Variants in FAM135B observed in about 807,000 individuals in gnomAD.
FAM135B encodes the protein protein FAM135B.
A neutral mutation model predicts 127.7 loss-of-function variants in FAM135B; 43 were observed. That is an observed-to-expected ratio of 0.34 (90% CI 0.26 to 0.43). FAM135B has a LOEUF of 0.43. Among genes scored for constraint, FAM135B ranks in the 20% least tolerant of loss-of-function variants. The pLI is 1.00. For missense variants in FAM135B, 1,558 were observed against 1,725.6 expected, an observed-to-expected ratio of 0.90 and a Z score of 1.72; for synonymous variants, 670 against 665.1, an observed-to-expected ratio of 1.01 and a Z score of -0.11.
chr8:138,365,353 A>T (rs1519374), intron 2 of FAM135B, among the ~76,000 whole-genome samples: 4,893 of 152,228 alleles, frequency 0.032, 159 homozygotes, highest in East Asian at 0.17. Flanking sequence ...CAAGCTTTTT[A>T]ACAACTCAAC....
intron 12 of FAM135B, among the ~76,000 whole-genome samples, chr8:138,165,348 G>GACCTCAGGTGATCCACCC (rs1420434138): frequency 1.1e-4 from 17 of 151,986 alleles, no homozygotes; most frequent in African/African-American, 3.9e-4. Flanking sequence ...TCGAACTCCC[G>GACCTCAGGTGATCCACCC]ACCTCAGGTG....
chr8:138,199,806 C>T (rs766076112), intron 7 of FAM135B, among the ~76,000 whole-genome samples: 6 of 152,158 alleles, frequency 3.9e-5, no homozygotes, highest in Non-Finnish European at 8.8e-5. Flanking sequence ...AACTCACTAT[C>T]ATGAGAACAG....
At chr8:138,338,279 A>T (rs945952157) in intron 2 of FAM135B, among the ~76,000 whole-genome samples, 8 of 150,930 alleles carry the variant, frequency 5.3e-5, no homozygotes, top group Non-Finnish European at 8.9e-5. Flanking sequence ...TAAACTAAAG[A>T]GCTTCTGCAC....
intron 7 of FAM135B, among the ~76,000 whole-genome samples, chr8:138,220,512 T>G (rs1268875118): frequency 6.6e-6 from 1 of 152,162 alleles, no homozygotes; most frequent in African/African-American, 2.4e-5. Flanking sequence ...TTTCTTCATC[T>G]TAAAAATGAG....
intron 9 of FAM135B, among the ~76,000 whole-genome samples, chr8:138,181,055 A>G (rs1814978971): frequency 1.3e-5 from 2 of 148,846 alleles, no homozygotes; most frequent in South Asian, 4.3e-4. Context: ...CCTGGCCGAC[A>G]TGGTAAAACC....
intron 9 of FAM135B, among the ~76,000 whole-genome samples, chr8:138,179,847 C>A (rs984352888): frequency 9.2e-5 from 14 of 152,200 alleles, no homozygotes; most frequent in African/African-American, 2.9e-4. Flanking sequence ...TGCCACTGCA[C>A]CCAGACAACT....
At position 138,311,099 on chromosome 8, in the gene FAM135B, C is replaced by T. The variant is rs185761191; in HGVS notation, c.78-179G>A. Among the ~76,000 whole-genome samples, 112 of 152,222 alleles carry T rather than the reference C, an allele frequency of 7.4e-4. No homozygotes were observed. In the Middle Eastern group the frequency reaches 0.01, roughly 14 times the overall value. On this transcript the variant is annotated intron_variant, in intron 2 of 19. Coordinates refer to ENST00000395297, the MANE Select transcript of FAM135B (RefSeq NM_015912.4). ...TCAGCAGAGTTGGAGAGGGAAGTGA[C>T]GGGGCAGTGTTGGAGATTGGAAGTT...
At chr8:138,335,775 C>T (rs1196315978) in intron 2 of FAM135B, among the ~76,000 whole-genome samples, 1 of 152,178 alleles carries the variant, frequency 6.6e-6, no homozygotes, top group Non-Finnish European at 1.5e-5. Context: ...ATCTACAGAA[C>T]TCTCCACCCC....
intron 12 of FAM135B, among the ~76,000 whole-genome samples, chr8:138,167,024 A>C (rs2130892220): frequency 6.6e-6 from 1 of 151,782 alleles, no homozygotes. Context: ...ACATACCCAC[A>C]CTCACTCTGA....
chr8:138,407,354 T>C (rs1833572959), intron 1 of FAM135B, among the ~76,000 whole-genome samples: 1 of 152,148 alleles, frequency 6.6e-6, no homozygotes, highest in Non-Finnish European at 1.5e-5. Flanking sequence ...ATAGGTTCAA[T>C]GCCATCCCCA....
intron 7 of FAM135B, among the ~76,000 whole-genome samples, chr8:138,231,883 C>T (rs1014971526): frequency 6.6e-6 from 1 of 152,154 alleles, no homozygotes; most frequent in African/African-American, 2.4e-5. Context: ...GTAATGTCAC[C>T]ATCACGGCAT....
intron 1 of FAM135B, among the ~76,000 whole-genome samples, chr8:138,424,189 T>G (rs987171235): frequency 6.6e-6 from 1 of 152,158 alleles, no homozygotes; most frequent in African/African-American, 2.4e-5. Flanking sequence ...GATTAAGATA[T>G]TAAAGACAGG....
intron 1 of FAM135B, among the ~76,000 whole-genome samples, chr8:138,448,037 AG>A (rs1442009466): frequency 6.6e-6 from 1 of 151,780 alleles, no homozygotes; most frequent in Non-Finnish European, 1.5e-5. Flanking sequence ...CAAGGCCTCA[AG>A]CTAATCTAAG....
intron 1 of FAM135B, among the ~76,000 whole-genome samples, chr8:138,372,947 T>A (rs1259367745): frequency 6.6e-6 from 1 of 152,200 alleles, no homozygotes; most frequent in Non-Finnish European, 1.5e-5. Flanking sequence ...GAGGTCCCAC[T>A]TTTCTGGCAT....
intron 3 of FAM135B, among the ~76,000 whole-genome samples, chr8:138,277,773 C>A (rs1019509308): frequency 7.9e-5 from 12 of 152,270 alleles, no homozygotes; most frequent in African/African-American, 2.9e-4. Flanking sequence ...ACCTCTGGAT[C>A]ATATGCATTT....
chr8:138,307,044 TC>T (rs1826315984), intron 3 of FAM135B, among the ~76,000 whole-genome samples: 1 of 152,210 alleles, frequency 6.6e-6, no homozygotes, highest in Admixed American at 6.5e-5. Flanking sequence ...CACTGAATGT[TC>T]AGCAACATCC....
chr8:138,299,951 G>C (rs932871117), intron 3 of FAM135B, among the ~76,000 whole-genome samples: 1 of 151,518 alleles, frequency 6.6e-6, no homozygotes, highest in Non-Finnish European at 1.5e-5. Flanking sequence ...ATCACCAAAA[G>C]TGAGAGTGGT....
intron 1 of FAM135B, among the ~76,000 whole-genome samples, chr8:138,449,428 G>A (rs563223048): frequency 7.9e-5 from 12 of 152,140 alleles, no homozygotes; most frequent in African/African-American, 2.4e-4. Flanking sequence ...ACGGAGCTCA[G>A]AGCTGTCAAA....
chr8:138,153,262 G>C (rs1439536877), intron 12 of FAM135B, 46 bp from the exon 13 acceptor site: 1 of 1,397,008 alleles, frequency 7.2e-7, no homozygotes, highest in South Asian at 1.5e-5. Context: ...GTAAGAATCT[G>C]TGTTTACAAG....
Sources: gnomAD v4.1 joint callset for allele counts (sites outside exome capture counted in the v4.1 genomes callset) on GRCh38, gnomAD v4.1.1 for gene constraint, MANE v1.5 for transcripts, NCBI Gene and HGNC (gene_info 2026-07-23, HGNC 2026-07-21) for gene names.